The following RIPOR3 variants were observed in gnomAD, a reference collection of about 807,000 sequenced individuals.
RIPOR3 encodes RIPOR family member 3, also known as family with sequence similarity 65 member C.
Under a neutral mutation model 114.3 loss-of-function variants are expected in RIPOR3, and 95 were observed. The ratio of observed to expected loss-of-function variants is 0.83; its 90% CI spans 0.70 to 0.99. The LOEUF (loss-of-function observed/expected upper bound fraction) is 0.99. Among genes scored for constraint, RIPOR3 ranks in the 50% least tolerant of loss-of-function variants. RIPOR3 has a pLI of 0.00. For synonymous variants in RIPOR3, 575 were observed against 543.8 expected (o/e 1.06, Z -0.80); for missense variants, 1,252 against 1,266.9 (o/e 0.99, Z 0.18).
At chr20:50,668,628 G>A (rs1481613871) in intron 1 of RIPOR3, among the ~76,000 whole-genome samples, 10 of 152,254 alleles carry the variant, frequency 6.6e-5, no homozygotes, top group East Asian at 3.9e-4. Flanking sequence ...AGGTCAAGGC[G>A]GGCGGATCAC....
chr20:50,615,209 C>T (rs1486226068), intron 4 of RIPOR3, among the ~76,000 whole-genome samples: 1 of 150,322 alleles, frequency 6.7e-6, no homozygotes, highest in Non-Finnish European at 1.5e-5. Context: ...TTGGGCAACA[C>T]AGGGCCCAGG....
chr20:50,617,881 C>T (rs907494409), intron 3 of RIPOR3, among the ~76,000 whole-genome samples: 1 of 152,074 alleles, frequency 6.6e-6, no homozygotes, highest in African/African-American at 2.4e-5. Context: ...CTCCGCCTCC[C>T]AAAGTGCTAA....
Position 50,602,342 on chromosome 20 carries a change from A to G in RIPOR3, c.1389T>C (p.Ser463=). 6.2e-7 allele frequency: 1 copy of G among 1,613,854 alleles called. No individual in the cohort carries two copies. The highest frequency in any genetic ancestry group is 1.3e-5 in the African/African-American group (1 of 75,068). The part of the protein sequence containing the change: ...PGLLPEMAHL[S]GGPFAEQPGW... ...CAGGCTGCTCTGCAAACGGGCCTCC[A>G]GAGAGGTGGGCCATCTCTGGCAGGA... Residue 463 remains serine (S), a synonymous_variant, in exon 13 of 22, where the codon TCT becomes TCC. Transcript: ENST00000327979. This position sits in a 1 kb window ranked among gnomAD's most constrained non-coding sequence, Gnocchi z 4.3.
chr20:50,638,127 T>C (rs2085055011), intron 1 of RIPOR3, among the ~76,000 whole-genome samples: 1 of 152,224 alleles, frequency 6.6e-6, no homozygotes, highest in South Asian at 2.1e-4. Flanking sequence ...GTCCTGGCTC[T>C]GCCATCCTCC....
chr20:50,656,161 C>A (rs886192759), intron 1 of RIPOR3, among the ~76,000 whole-genome samples: 1 of 152,064 alleles, frequency 6.6e-6, no homozygotes, highest in Non-Finnish European at 1.5e-5. Context: ...GCCCGCATCA[C>A]CATGCCCGGC....
intron 1 of RIPOR3, among the ~76,000 whole-genome samples, chr20:50,637,772 G>T (rs1302180255): frequency 1.3e-5 from 2 of 152,074 alleles, no homozygotes; most frequent in Non-Finnish European, 2.9e-5. Flanking sequence ...CTACTCAGGA[G>T]GCTGAAGCGG....
Position 50,641,987 on chromosome 20 carries a change from G to A in RIPOR3, c.4-11131C>T, listed in dbSNP as rs112399960. 7.0e-3 allele frequency among the ~76,000 whole-genome samples: 1,064 copies of A among 151,940 alleles called. 12 individuals are homozygous for A. Among genetic ancestry groups the A allele is most frequent in the African/African-American group, 0.024 (1,012 of 41,408 alleles). On this transcript the variant is annotated intron_variant, in intron 1 of 21. Coordinates refer to ENST00000327979, the MANE Select transcript of RIPOR3 (RefSeq NM_001290268.2). ...GCAGAGCCCTTGGATGTGTGTTTGCGCCATGGCAGTAGTACACCCACCCCC... is the reference window on the plus strand; with the variant it reads ...GCAGAGCCCTTGGATGTGTGTTTGCACCATGGCAGTAGTACACCCACCCCC...
intron 13 of RIPOR3, 135 bp downstream of exon 13, chr20:50,601,937 G>A (rs1396134580): frequency 3.6e-6 from 3 of 824,864 alleles, no homozygotes; most frequent in African/African-American, 1.7e-5. Flanking sequence ...AAGGCCCAGA[G>A]AGACACGGCC....
At chr20:50,643,299 T>C (rs2085271487) in intron 1 of RIPOR3, among the ~76,000 whole-genome samples, 1 of 130,504 alleles carries the variant, frequency 7.7e-6, no homozygotes, top group Admixed American at 7.8e-5. Flanking sequence ...TTTTTGTGTG[T>C]GTTTTTTTTT....
chr20:50,607,316 A>G (rs2123038515), intron 11 of RIPOR3, among the ~76,000 whole-genome samples: 1 of 152,274 alleles, frequency 6.6e-6, no homozygotes, highest in South Asian at 2.1e-4. Flanking sequence ...AATCCAGGCG[A>G]GCGCATGGGA....
Position 50,602,156 on chromosome 20 carries a change from C to T in RIPOR3, c.1575G>A (p.Leu525=), listed in dbSNP as rs762026467. 3.3e-5 allele frequency: 53 copies of T among 1,612,748 alleles called. No individual in the cohort carries two copies. The highest frequency in any genetic ancestry group is 3.5e-5 in the Non-Finnish European group (41 of 1,179,668). Residue 525 remains leucine, a synonymous_variant, in exon 13 of 22, where the codon CTG becomes CTA. Transcript: ENST00000327979. The surrounding 1 kb of genome is among the most constrained non-coding windows in gnomAD (Gnocchi z 4.3). ...VALEGPLQEV[L]ELLRPTDSTQ... ...TGGAGTCCGTGGGCCTCAGCAACTCCAGGACCTCCTGCAGAGGCCCCTCGA... is the reference window on the plus strand; with the variant it reads ...TGGAGTCCGTGGGCCTCAGCAACTCTAGGACCTCCTGCAGAGGCCCCTCGA...
intron 13 of RIPOR3, among the ~76,000 whole-genome samples, 184 bp from the exon 14 acceptor site, chr20:50,597,894 A>G (rs969955537): frequency 6.6e-6 from 1 of 152,146 alleles, no homozygotes; most frequent in Admixed American, 6.5e-5. Flanking sequence ...GTCACCCCCC[A>G]AAGTCCCTCC....
intron 1 of RIPOR3, chr20:50,659,986 A>G (rs1463592628): frequency 1.3e-5 from 2 of 152,226 alleles, no homozygotes; most frequent in Non-Finnish European, 2.9e-5. Flanking sequence ...ACATGCCCCA[A>G]AAGGATGAGC....
intron 3 of RIPOR3, 135 bp from the exon 4 acceptor site, chr20:50,616,215 G>A: frequency 1.2e-6 from 1 of 802,806 alleles, no homozygotes; most frequent in Non-Finnish European, 2.0e-6. Flanking sequence ...TAGGAAGCCA[G>A]GCTCCCTCAC....
chr20:50,639,744 G>A (rs936510512), intron 1 of RIPOR3, among the ~76,000 whole-genome samples: 1 of 152,182 alleles, frequency 6.6e-6, no homozygotes, highest in African/African-American at 2.4e-5. Context: ...TAGGCAGTGT[G>A]GTGCAGGTGT....
In RIPOR3 at chr20:50,608,456, G is replaced by C. The variant is rs1356987576; in HGVS notation, c.889C>G (p.Pro297Ala). ...GTGATGTCCACCACGATGACCTGCGGCCGCGTCGTGAAGAAGTCGGCGATG... is the reference window on the plus strand; with the variant it reads ...GTGATGTCCACCACGATGACCTGCGCCCGCGTCGTGAAGAAGTCGGCGATG... The part of the protein sequence containing the change: ...CDIADFFTTR[P>A]QVIVVDITEL... The change falls in exon 11 of 22, where the codon CCG (proline) becomes GCG (alanine). Residue 297 changes from proline (P) to alanine (A), a missense_variant. Physicochemically the swap from Pro to Ala is conservative, Grantham distance 27 (BLOSUM62 -1). Coordinates refer to ENST00000327979, the MANE Select transcript of RIPOR3 (RefSeq NM_001290268.2). The C allele has an allele frequency of 6.2e-7, 1 of 1,613,996 alleles. No homozygotes were observed.
At chr20:50,648,904 A>ATGTGGCCCAGTTCC (rs2085507473) in intron 1 of RIPOR3, among the ~76,000 whole-genome samples, 1 of 152,152 alleles carries the variant, frequency 6.6e-6, no homozygotes, top group Non-Finnish European at 1.5e-5. Flanking sequence ...ACCTCCTGCT[A>ATGTGGCCCAGTTCC]TGTGGCCCAG....
At chr20:50,598,682 A>G (rs1317645847) in intron 13 of RIPOR3, among the ~76,000 whole-genome samples, 1 of 152,182 alleles carries the variant, frequency 6.6e-6, no homozygotes, top group Non-Finnish European at 1.5e-5. Context: ...AGGCGGGCAG[A>G]TCACTTGAGG....
chr20:50,598,303 A>G (rs558797283), intron 13 of RIPOR3, among the ~76,000 whole-genome samples: 4 of 151,950 alleles, frequency 2.6e-5, no homozygotes, highest in Non-Finnish European at 5.9e-5. Context: ...CCAACCCGCC[A>G]CTGGTCAAGT....
Sources: gnomAD v4.1 joint callset for allele counts (sites outside exome capture counted in the v4.1 genomes callset) on GRCh38, gnomAD v4.1.1 for gene constraint, Gnocchi (gnomAD v3.1) non-coding constraint, MANE v1.5 for transcripts, NCBI Gene and HGNC (gene_info 2026-07-23, HGNC 2026-07-21) for gene names.